Variants in TBC1D16 observed in about 807,000 individuals in gnomAD.
The protein encoded by TBC1D16 is TBC1 domain family member 16.
Under a neutral mutation model 74.7 loss-of-function variants are expected in TBC1D16, and 58 were observed. That is an observed-to-expected ratio of 0.78 (90% confidence interval 0.63 to 0.97). TBC1D16 has a LOEUF of 0.97. TBC1D16 is among the 50% of genes least tolerant of loss of function. TBC1D16 has a pLI of 0.00. For missense variants in TBC1D16, 1,014 were observed against 1,079.5 expected (o/e 0.94, Z 0.85); for synonymous variants, 493 against 474.7 (o/e 1.04, Z -0.50).
rs7209710 is a variant in TBC1D16 at position 79,939,089 on chromosome 17, T to C, written c.*1770A>G. 0.25 allele frequency: 37,805 copies of C among 152,262 alleles called. 5,446 individuals are homozygous for C. The highest frequency in any genetic ancestry group is 0.4 in the African/African-American group (16,713 of 41,484). The allele number at this position is 152,262 out of a possible 1,614,324, so 9.4% of individuals were successfully genotyped here. On this transcript the variant is annotated 3_prime_UTR_variant, in exon 12 of 12. Coordinates refer to ENST00000310924, the MANE Select transcript of TBC1D16 (RefSeq NM_019020.4). ...GTATTGCTGTGGCAATGGATATAAC[T>C]GGTTTCTAGCGGAGGGTCAGGGCAG...
chr17:80,013,588 G>A lies in TBC1D16; in HGVS notation c.-41C>T, dbSNP rs867329911. The A allele has an allele frequency of 1.4e-6, 2 of 1,453,768 alleles. No individual in the cohort carries two copies. The highest frequency in any genetic ancestry group is 1.4e-5 in the South Asian group (1 of 69,014). 90.1% of individuals were successfully genotyped at this position (1,453,768 alleles called of 1,614,324 possible). Reference sequence around the variant, plus strand: ...TCCATCCTCCGCATGCGTCGGCCCGGGCAGGGCTCGTCAAGACCTGCCTGG... The same window carrying A: ...TCCATCCTCCGCATGCGTCGGCCCGAGCAGGGCTCGTCAAGACCTGCCTGG... On this transcript the variant is annotated 5_prime_UTR_variant, in exon 2 of 12. Transcript: ENST00000310924.
intron 3 of TBC1D16, among the ~76,000 whole-genome samples, chr17:79,978,011 C>T (rs2034407100): frequency 2.0e-5 from 3 of 152,224 alleles, no homozygotes; most frequent in Admixed American, 2.0e-4. Flanking sequence ...GCTCAAGCTG[C>T]CATTTCTGAC....
At chr17:79,942,265 A>T in intron 10 of TBC1D16, 59 bp from the exon 11 acceptor site, 66 of 1,521,700 alleles carry the variant, frequency 4.3e-5, no homozygotes, top group Non-Finnish European at 5.5e-5. Flanking sequence ...CCCTGCACTC[A>T]GGGGGAAACT....
In TBC1D16 at chr17:80,008,413, C is replaced by A. The variant is rs1302300322; in HGVS notation, c.779+1747G>T. ...GGCTGCGGGACAGAGAGCTGACCGG[C>A]CAGCTTCTGGTTGTGGTTCTGCCAC... On this transcript the variant is annotated intron_variant, in intron 3 of 11. Transcript: ENST00000310924. The surrounding 1 kb of genome is among the most constrained non-coding windows in gnomAD (Gnocchi z 4.5). 3.9e-5 allele frequency among the ~76,000 whole-genome samples: 6 copies of A among 152,142 alleles called. No homozygotes were observed. Among genetic ancestry groups the A allele is most frequent in the Admixed American group, 6.5e-5 (1 of 15,282 alleles).
At position 79,944,013 on chromosome 17, in the gene TBC1D16, C is replaced by T; in HGVS notation, c.1908+895G>A. On this transcript the variant is annotated intron_variant, in intron 10 of 11. Transcript: ENST00000310924. The surrounding 1 kb of genome is among the most constrained non-coding windows in gnomAD (Gnocchi z 7.7). ...GGCTGAGCCAGGAGGGAAACCTAGA[C>T]CCGGGCCAGGGGCGAGCCGATGACC... 1 of 1,534,116 alleles carries T rather than the reference C, an allele frequency of 6.5e-7. No individual in the cohort carries two copies. The highest frequency in any genetic ancestry group is 8.7e-7 in the Non-Finnish European group (1 of 1,145,572).
intron 3 of TBC1D16, among the ~76,000 whole-genome samples, chr17:79,960,699 G>A (rs561548204): frequency 7.0e-6 from 1 of 142,348 alleles, no homozygotes; most frequent in Non-Finnish European, 1.5e-5. Flanking sequence ...AGGTTGCAGT[G>A]AGCCAACATC....
chr17:79,949,803 G>A lies in TBC1D16; in HGVS notation c.1320C>T (p.Arg440=), dbSNP rs1289134153. The part of the protein sequence containing the change: ...IRGEVWPFLL[R]YYSHESTSEE... ...CCGACGTGGACTCGTGGCTGTAATA[G>A]CGCAGCAGGAAGGGCCAGACCTCCC... is the stretch of plus-strand genomic sequence containing the variant. Residue 440 remains arginine (R), a synonymous_variant, in exon 7 of 12, where the codon CGC becomes CGT. Transcript: ENST00000310924. 2 of 1,613,858 alleles carry A rather than the reference G, an allele frequency of 1.2e-6. No individual in the cohort carries two copies. Among genetic ancestry groups the A allele is most frequent in the Admixed American group, 3.3e-5 (2 of 60,028 alleles).
chr17:79,968,190 C>T (rs2033918494), intron 3 of TBC1D16, among the ~76,000 whole-genome samples: 1 of 152,174 alleles, frequency 6.6e-6, no homozygotes, highest in African/African-American at 2.4e-5. Context: ...GACAGGATTT[C>T]ACCATGTTGG....
intron 2 of TBC1D16, among the ~76,000 whole-genome samples, chr17:80,012,257 G>A (rs1193881232): frequency 1.3e-5 from 2 of 152,158 alleles, no homozygotes; most frequent in Non-Finnish European, 2.9e-5. Context: ...CTTTGAGATC[G>A]GCAAGAGGGT....
intron 3 of TBC1D16, among the ~76,000 whole-genome samples, chr17:79,959,634 A>G (rs1160610279): frequency 6.6e-6 from 1 of 152,216 alleles, no homozygotes; most frequent in African/African-American, 2.4e-5. Flanking sequence ...GCTTTTCAAT[A>G]AACGATACTG....
At chr17:80,031,229 C>T (rs2036764255) in intron 1 of TBC1D16, among the ~76,000 whole-genome samples, 1 of 152,184 alleles carries the variant, frequency 6.6e-6, no homozygotes, top group Non-Finnish European at 1.5e-5. Flanking sequence ...TAATCCCCTG[C>T]GGGGCCGCCG....
chr17:79,978,101 GGTC>G (rs2034413582), intron 3 of TBC1D16, among the ~76,000 whole-genome samples: 13 of 152,190 alleles, frequency 8.5e-5, no homozygotes, highest in Admixed American at 8.5e-4. Context: ...CCATGGTCAC[GGTC>G]GAGCTCGGGA....
intron 2 of TBC1D16, 117 bp downstream of exon 2, chr17:80,013,250 C>T (rs971201567): frequency 4.0e-6 from 4 of 999,680 alleles, no homozygotes; most frequent in African/African-American, 3.4e-5. Flanking sequence ...GTTAGTTACA[C>T]GTTCTGGAAG....
chr17:80,023,420 A>G (rs1446624247), intron 1 of TBC1D16, among the ~76,000 whole-genome samples: 2 of 149,876 alleles, frequency 1.3e-5, no homozygotes, highest in Non-Finnish European at 2.9e-5. Flanking sequence ...CCCAGCATGA[A>G]GCCACAGTTC....
At position 80,008,442 on chromosome 17, in the gene TBC1D16, A is replaced by T. The variant is rs2035757723; in HGVS notation, c.779+1718T>A. Reference sequence around the variant, plus strand: ...CTTCTGGTTGTGGTTCTGCCACAGAATCCTCAGCCCCAAGACCGTGGGCCA... The same window carrying T: ...CTTCTGGTTGTGGTTCTGCCACAGATTCCTCAGCCCCAAGACCGTGGGCCA... On this transcript the variant is annotated intron_variant, in intron 3 of 11. Transcript: ENST00000310924. This position sits in a 1 kb window ranked among gnomAD's most constrained non-coding sequence, Gnocchi z 4.5. 6.6e-6 allele frequency among the ~76,000 whole-genome samples: 1 copy of T among 152,088 alleles called. No individual in the cohort carries two copies. Among genetic ancestry groups the T allele is most frequent in the Admixed American group, 6.6e-5 (1 of 15,264 alleles).
chr17:79,992,678 C>T (rs2035116299), intron 3 of TBC1D16: 1 of 152,278 alleles, frequency 6.6e-6, no homozygotes, highest in African/African-American at 2.4e-5. Flanking sequence ...CTGTCCCTGC[C>T]TGATATATAT....
intron 10 of TBC1D16, among the ~76,000 whole-genome samples, chr17:79,943,314 C>A (rs578199700): frequency 6.6e-6 from 1 of 152,126 alleles, no homozygotes. Context: ...GGAAGGTGGA[C>A]GCCCAGCTTC....
chr17:80,025,014 A>C (rs79181528), intron 1 of TBC1D16, among the ~76,000 whole-genome samples: 27,135 of 62,882 alleles, frequency 0.43, 3,808 homozygotes, highest in African/African-American at 0.48. Context: ...ATAGACACAC[A>C]CACACACCAC....
In TBC1D16 at chr17:79,981,937, G is replaced by A. The variant is rs1216460293; in HGVS notation, c.779+28223C>T. On this transcript the variant is annotated intron_variant, in intron 3 of 11. Coordinates refer to ENST00000310924, the MANE Select transcript of TBC1D16 (RefSeq NM_019020.4). The surrounding 1 kb of genome is among the most constrained non-coding windows in gnomAD (Gnocchi z 6.9). ...CACACACACGCACACACACACACAT[G>A]CACATGTATTAAAGCAAAAGTGAGA... Among the ~76,000 whole-genome samples, 1 of 152,160 alleles carries A rather than the reference G, an allele frequency of 6.6e-6. No homozygotes were observed. Among genetic ancestry groups the A allele is most frequent in the African/African-American group, 2.4e-5 (1 of 41,452 alleles).
Sources: gnomAD v4.1 joint callset for allele counts (sites outside exome capture counted in the v4.1 genomes callset) on GRCh38, gnomAD v4.1.1 for gene constraint, Gnocchi (gnomAD v3.1) non-coding constraint, MANE v1.5 for transcripts, NCBI Gene and HGNC (gene_info 2026-07-23, HGNC 2026-07-21) for gene names.